NFATC1: variants seen among roughly 807,000 people sequenced by gnomAD.
NFATC1 encodes the protein nuclear factor of activated T-cells, cytoplasmic 1.
NFATC1 carries 22 observed loss-of-function variants against 76.0 expected under a neutral mutation model. The ratio of observed to expected loss-of-function variants is 0.29; its 90% CI spans 0.21 to 0.41. NFATC1 has a LOEUF of 0.41. NFATC1 is among the 10% of genes least tolerant of loss of function. The pLI is 1.00. For synonymous variants in NFATC1, 704 were observed against 613.1 expected (o/e 1.15, Z -2.19); for missense variants, 1,357 against 1,337.7 (o/e 1.01, Z -0.23).
chr18:79,478,863 G>C (rs1039820339), intron 8 of NFATC1, among the ~76,000 whole-genome samples: 1 of 152,210 alleles, frequency 6.6e-6, no homozygotes, highest in African/African-American at 2.4e-5. Context: ...GGCATGGGAC[G>C]GGCCCTCCGT....
chr18:79,493,061 A>G (rs1044328662), intron 9 of NFATC1, among the ~76,000 whole-genome samples: 4 of 152,144 alleles, frequency 2.6e-5, no homozygotes, highest in African/African-American at 9.7e-5. Flanking sequence ...CTTCTCGAGC[A>G]TGGCCGAGCC....
rs775134547 is a variant in NFATC1, at chr18:79,411,167, G to A, written c.892G>A (p.Asp298Asn). 5.0e-6 allele frequency: 8 copies of A among 1,612,084 alleles called. No individual in the cohort carries two copies. Among genetic ancestry groups the A allele is most frequent in the East Asian group, 2.2e-5 (1 of 44,876 alleles). Residue 298 changes from aspartate to asparagine, a missense_variant, in exon 2 of 10, where the codon GAC becomes AAC. Physicochemically the swap from Asp to Asn is conservative, Grantham distance 23. Around this residue, in one of 3 missense-constraint regions of NFATC1, gnomAD observed 691 missense variants for 613.1 expected, o/e 1.13. Coordinates refer to ENST00000427363, the MANE Select transcript of NFATC1 (RefSeq NM_001278669.2). ...CTCCCCGCGGGTCAGCGTGACCGAC[G>A]ACTCGTGGTTGGGCAACACCACCCA... ...HGSPRVSVTD[D>N]SWLGNTTQYT...
chr18:79,423,326 G>T (rs2086166493), intron 2 of NFATC1, among the ~76,000 whole-genome samples: 1 of 152,242 alleles, frequency 6.6e-6, no homozygotes, highest in South Asian at 2.1e-4. Flanking sequence ...TTCCTGGGCT[G>T]GGCTTACCTG....
intron 9 of NFATC1, among the ~76,000 whole-genome samples, chr18:79,516,779 A>T (rs1441716096): frequency 6.6e-6 from 1 of 152,254 alleles, no homozygotes; most frequent in East Asian, 1.9e-4. Context: ...ATCAGACACG[A>T]TATACGTACA....
chr18:79,519,524 G>C (rs1306987031), intron 9 of NFATC1, among the ~76,000 whole-genome samples: 1 of 137,308 alleles, frequency 7.3e-6, no homozygotes, highest in Non-Finnish European at 1.7e-5. Context: ...TGTAGAGATG[G>C]GGGGTGGTCT....
intron 1 of NFATC1, among the ~76,000 whole-genome samples, chr18:79,406,597 AAGTGTGGGTGTG>A (rs2085446585): frequency 6.6e-6 from 1 of 152,174 alleles, no homozygotes; most frequent in African/African-American, 2.4e-5. Context: ...GCCCAGCAGT[AAGTGTGGGTGTG>A]AGTTCCTGGG....
chr18:79,490,677 C>G (rs1451034295), intron 9 of NFATC1, among the ~76,000 whole-genome samples: 1 of 152,180 alleles, frequency 6.6e-6, no homozygotes, highest in Non-Finnish European at 1.5e-5. Flanking sequence ...ACGGGCCGAG[C>G]CGTTTCCCGC....
chr18:79,474,804 T>A, intron 8 of NFATC1, among the ~76,000 whole-genome samples: 1 of 147,170 alleles, frequency 6.8e-6, no homozygotes, highest in South Asian at 2.2e-4. Context: ...TTTCACACTG[T>A]CGACGTAAAC....
rs772133204 is a variant in NFATC1 at position 79,451,115 on chromosome 18, C to T, written c.1751C>T (p.Pro584Leu). ...RTLSLQVASN[P>L]IECSQRSAQE... ...CTGTCCCTGCAGGTGGCCTCCAACC[C>T]CATCGAATGCTGTAAGTGGACGTCC... The change falls in exon 5 of 10, where the codon CCC becomes CTC. Residue 584 changes from proline (P) to leucine (L), a missense_variant. Physicochemically the swap from Pro to Leu is moderately conservative, Grantham distance 98. Transcript: ENST00000427363. The T allele has an allele frequency of 6.2e-7, 1 of 1,609,986 alleles. No individual in the cohort carries two copies. The highest frequency in any genetic ancestry group is 1.1e-5 in the South Asian group (1 of 90,954).
rs114672181 is a variant in NFATC1 at position 79,430,099 on chromosome 18, C to T, written c.1227-3480C>T. On this transcript the variant is annotated intron_variant, in intron 2 of 9. Transcript: ENST00000427363. ...CCGAGTCGGTTCACACGAGTTCCCA[C>T]GACGACAAAATGGCCTAAGGACGCG... Among the ~76,000 whole-genome samples the T allele has an allele frequency of 6.0e-3, 918 of 152,332 alleles. 3 individuals carry two copies. The highest frequency in any genetic ancestry group is 6.6e-3 in the Non-Finnish European group (451 of 68,034).
At chr18:79,401,845 G>A (rs552090625) in intron 1 of NFATC1, among the ~76,000 whole-genome samples, 29 of 152,332 alleles carry the variant, frequency 1.9e-4, no homozygotes, top group East Asian at 1.7e-3. Context: ...GTGGGCCTGC[G>A]ACAGGCCCAG....
At chr18:79,488,288 GC>G (rs1569024321) in intron 9 of NFATC1, among the ~76,000 whole-genome samples, 2 of 126,588 alleles carry the variant, frequency 1.6e-5, no homozygotes, top group East Asian at 4.0e-4. Context: ...CATGGAGCCC[GC>G]AGCCCTGGTT....
chr18:79,417,849 C>G (rs1382230305), intron 2 of NFATC1, among the ~76,000 whole-genome samples: 46 of 16,142 alleles, frequency 2.8e-3, no homozygotes, highest in South Asian at 8.4e-3. Context: ...GATGGGAGAT[C>G]GGCTGTGGTG....
chr18:79,479,226 TC>T, intron 8 of NFATC1, among the ~76,000 whole-genome samples: 1 of 152,356 alleles, frequency 6.6e-6, no homozygotes, highest in Admixed American at 6.5e-5. Flanking sequence ...GCCCATCCTT[TC>T]GCCACCTCTA....
intron 9 of NFATC1, among the ~76,000 whole-genome samples, chr18:79,492,666 G>C (rs1201356495): frequency 1.3e-5 from 2 of 150,804 alleles, no homozygotes; most frequent in South Asian, 2.1e-4. Flanking sequence ...CTGAGATCGC[G>C]CCACTGCACT....
chr18:79,505,947 T>G (rs1600951391), intron 9 of NFATC1, among the ~76,000 whole-genome samples: 1 of 152,018 alleles, frequency 6.6e-6, no homozygotes, highest in East Asian at 1.9e-4. Context: ...CCTTGGGTGA[T>G]GGAAGTGTTC....
At chr18:79,461,081 C>T (rs1568989845) in intron 6 of NFATC1, among the ~76,000 whole-genome samples, 1 of 152,252 alleles carries the variant, frequency 6.6e-6, no homozygotes, top group Non-Finnish European at 1.5e-5. Context: ...CGCGTGTCCT[C>T]AGCTTCTCCA....
chr18:79,396,983 G>C (rs2148113513), intron 1 of NFATC1, among the ~76,000 whole-genome samples: 1 of 152,338 alleles, frequency 6.6e-6, no homozygotes, highest in East Asian at 1.9e-4. Flanking sequence ...AGCCAGAGAA[G>C]ATGTTTCAGG....
At chr18:79,518,906 G>A (rs1320610946) in intron 9 of NFATC1, among the ~76,000 whole-genome samples, 1 of 152,228 alleles carries the variant, frequency 6.6e-6, no homozygotes, top group Non-Finnish European at 1.5e-5. Context: ...TCCGATCCAG[G>A]AGGAAGTTGT....
Sources: allele counts gnomAD v4.1 joint callset (sites outside exome capture counted in the v4.1 genomes callset), GRCh38; gene constraint gnomAD v4.1.1; regional missense constraint gnomAD v4.1.1; transcripts MANE v1.5; gene names NCBI Gene and HGNC (gene_info 2026-07-23, HGNC 2026-07-21).